CPS1: variants seen among roughly 807,000 people sequenced by gnomAD.
The protein encoded by CPS1 is carbamoyl-phosphate synthase [ammonia], mitochondrial.
In CPS1, 109 loss-of-function variants were observed where a neutral mutation model predicts 174.6. The observed-to-expected ratio is 0.62, with a 90% confidence interval of 0.53 to 0.73. CPS1 has a LOEUF of 0.73. CPS1 is among the 30% of genes least tolerant of loss of function. The pLI, the probability that CPS1 is intolerant of heterozygous loss-of-function variation, is 0.00. For synonymous variants in CPS1, 637 were observed against 632.0 expected (o/e 1.01, Z -0.12); for missense variants, 1,689 against 1,821.9 (o/e 0.93, Z 1.33).
chr2:210,533,347 C>T (rs1696164283), intron 1 of CPS1, among the ~76,000 whole-genome samples: 1 of 152,158 alleles, frequency 6.6e-6, no homozygotes, highest in Admixed American at 6.5e-5. Flanking sequence ...TTCTCTGACA[C>T]TATATGCTAG....
chr2:210,615,138 G>T (rs1391385579), intron 20 of CPS1, among the ~76,000 whole-genome samples: 1 of 151,896 alleles, frequency 6.6e-6, no homozygotes, highest in Non-Finnish European at 1.5e-5. Flanking sequence ...ATGTGCTTGT[G>T]TGAAAACCTC....
At chr2:210,482,102 C>T (rs1694585123) in intron 1 of CPS1, among the ~76,000 whole-genome samples, 1 of 152,172 alleles carries the variant, frequency 6.6e-6, no homozygotes, top group Non-Finnish European at 1.5e-5. Flanking sequence ...GGACTAATTT[C>T]CTGCCTCCTG....
intron 21 of CPS1, among the ~76,000 whole-genome samples, chr2:210,636,140 TAATTG>T (rs1700036341): frequency 1.3e-5 from 2 of 152,224 alleles, no homozygotes; most frequent in African/African-American, 2.4e-5. Context: ...CAAACTATTA[TAATTG>T]AATTGTATTG....
At chr2:210,600,743 G>A (rs1247079465) in intron 15 of CPS1, 31 bp downstream of exon 15, 10 of 1,608,866 alleles carry the variant, frequency 6.2e-6, no homozygotes, top group East Asian at 2.2e-5. Context: ...AAAAACAAGG[G>A]CATTATTTGT....
chr2:210,478,369 G>T (rs1281457811), intron 1 of CPS1, among the ~76,000 whole-genome samples: 1 of 152,108 alleles, frequency 6.6e-6, no homozygotes, highest in Non-Finnish European at 1.5e-5. Flanking sequence ...TTTTTCTGTG[G>T]CTAATGGTGT....
At chr2:210,594,173 T>G (rs181432592) in intron 11 of CPS1, among the ~76,000 whole-genome samples, 62 of 152,026 alleles carry the variant, frequency 4.1e-4, no homozygotes, top group African/African-American at 1.4e-3. Flanking sequence ...GTGATATAGC[T>G]TCAATTGTTA....
chr2:210,514,412 T>A (rs1695616026), intron 1 of CPS1, among the ~76,000 whole-genome samples: 1 of 151,968 alleles, frequency 6.6e-6, no homozygotes, highest in South Asian at 2.1e-4. Flanking sequence ...CTTAGGTAGA[T>A]GTATTCCTAG....
At chr2:210,488,379 A>T (rs1405927563) in intron 1 of CPS1, among the ~76,000 whole-genome samples, 1 of 152,204 alleles carries the variant, frequency 6.6e-6, no homozygotes, top group Non-Finnish European at 1.5e-5. Flanking sequence ...CATAGTTTTT[A>T]TTTGAAAAGC....
intron 13 of CPS1, among the ~76,000 whole-genome samples, chr2:210,596,888 G>T (rs1330882057): frequency 6.6e-6 from 1 of 151,626 alleles, no homozygotes; most frequent in African/African-American, 2.4e-5. Flanking sequence ...TATTAGATTA[G>T]ATTGTGATCA....
At chr2:210,506,110 A>G (rs985400350) in intron 1 of CPS1, among the ~76,000 whole-genome samples, 4 of 152,124 alleles carry the variant, frequency 2.6e-5, no homozygotes, top group Admixed American at 6.5e-5. Context: ...TGACCCCCGA[A>G]TAGCCTAACT....
chr2:210,597,729 G>A (rs1698536549), intron 13 of CPS1, among the ~76,000 whole-genome samples: 2 of 151,384 alleles, frequency 1.3e-5, no homozygotes, highest in Admixed American at 1.3e-4. Context: ...CCCTCATCTT[G>A]GTTTATAAAA....
intron 16 of CPS1, among the ~76,000 whole-genome samples, chr2:210,603,741 C>T (rs1698805842): frequency 6.6e-6 from 1 of 151,370 alleles, no homozygotes; most frequent in East Asian, 2.0e-4. Context: ...ATCAATAGTC[C>T]CTTAAATGGT....
chr2:210,562,988 C>G (rs1007167387), intron 1 of CPS1, among the ~76,000 whole-genome samples: 1 of 151,870 alleles, frequency 6.6e-6, no homozygotes, highest in African/African-American at 2.4e-5. Context: ...TCTGTTCCTC[C>G]CATTTCACAG....
In CPS1 at chr2:210,678,144, G is replaced by T. The variant is rs1701594749; in HGVS notation, c.*159G>T. 4 of 723,880 alleles carry T rather than the reference G, an allele frequency of 5.5e-6. No homozygotes were observed. Among genetic ancestry groups the T allele is most frequent in the Non-Finnish European group, 7.7e-6 (3 of 391,646 alleles). 44.8% of individuals were successfully genotyped at this position (723,880 alleles called of 1,614,324 possible). A position where few individuals can be genotyped will look rare whatever the true frequency, so the allele number is the denominator to read the frequency against. ...ATTCTGTGTCTTTTGCAATTAAATT[G>T]TCAGTCACTTCTTCAAAACCTTACA... On this transcript the variant is annotated 3_prime_UTR_variant, in exon 38 of 38. Coordinates refer to ENST00000233072, the MANE Select transcript of CPS1 (RefSeq NM_001875.5).
intron 19 of CPS1, among the ~76,000 whole-genome samples, chr2:210,611,064 C>T (rs1458621670): frequency 6.6e-6 from 1 of 151,834 alleles, no homozygotes; most frequent in Non-Finnish European, 1.5e-5. Flanking sequence ...AATCTATAAA[C>T]ATATTGTCTA....
chr2:210,587,977 C>T, intron 6 of CPS1, 81 bp from the exon 7 acceptor site: 1 of 1,204,934 alleles, frequency 8.3e-7, no homozygotes, highest in South Asian at 1.2e-5. Flanking sequence ...AAGTTCAAAA[C>T]ATTGTCAGAT....
chr2:210,651,673 A>G (rs1370167045), intron 28 of CPS1, among the ~76,000 whole-genome samples: 1 of 152,144 alleles, frequency 6.6e-6, no homozygotes, highest in Non-Finnish European at 1.5e-5. Flanking sequence ...TATGGATAGA[A>G]TCCATATGGG....
intron 11 of CPS1, chr2:210,593,336 C>G: frequency 1.8e-6 from 2 of 1,133,536 alleles, no homozygotes; most frequent in South Asian, 2.2e-5. Context: ...ACAAAAATCC[C>G]TATGGCAACT....
chr2:210,493,407 C>G (rs2105953805), intron 1 of CPS1, among the ~76,000 whole-genome samples: 1 of 152,306 alleles, frequency 6.6e-6, no homozygotes, highest in South Asian at 2.1e-4. Context: ...TCCCACTTAC[C>G]ATCCTTTCTG....
Sources: gnomAD v4.1 joint callset for allele counts (sites outside exome capture counted in the v4.1 genomes callset) on GRCh38, gnomAD v4.1.1 for gene constraint, MANE v1.5 for transcripts, NCBI Gene and HGNC (gene_info 2026-07-23, HGNC 2026-07-21) for gene names.